The following NWD2 variants were observed in gnomAD, a reference collection of about 807,000 sequenced individuals.
NWD2 encodes the protein NACHT and WD repeat domain-containing protein 2.
A neutral mutation model predicts 132.7 loss-of-function variants in NWD2; 37 were observed. The observed-to-expected ratio is 0.28, with a 90% confidence interval of 0.21 to 0.37. The LOEUF is 0.37. NWD2 is among the 10% of genes least tolerant of loss of function. The pLI, the probability that NWD2 is intolerant of heterozygous loss-of-function variation, is 1.00. For synonymous variants in NWD2, 705 were observed against 803.0 expected (o/e 0.88, Z 2.06); for missense variants, 1,592 against 2,122.4 (o/e 0.75, Z 4.91).
intron 2 of NWD2, among the ~76,000 whole-genome samples, chr4:37,336,957 A>AG (rs1471163594): frequency 2.0e-5 from 3 of 150,796 alleles, no homozygotes; most frequent in Admixed American, 1.3e-4. Context: ...AAAAAGAAAA[A>AG]AAAAAAAAAA....
At chr4:37,410,571 G>C (rs999314988) in intron 3 of NWD2, among the ~76,000 whole-genome samples, 4 of 152,012 alleles carry the variant, frequency 2.6e-5, no homozygotes, top group Non-Finnish European at 4.4e-5. Flanking sequence ...ACAACCCACT[G>C]TCAGTATTAG....
intron 3 of NWD2, among the ~76,000 whole-genome samples, chr4:37,370,186 A>G (rs1720186266): frequency 6.6e-6 from 1 of 152,198 alleles, no homozygotes; most frequent in South Asian, 2.1e-4. Context: ...CTGATTATGG[A>G]AGAAATAATA....
chr4:37,442,560 A>C (rs935537543), intron 6 of NWD2, among the ~76,000 whole-genome samples: 2 of 152,190 alleles, frequency 1.3e-5, no homozygotes, highest in African/African-American at 4.8e-5. Context: ...TACCCTTCAG[A>C]GAGATAATGT....
chr4:37,427,181 T>C (rs1341677311), intron 3 of NWD2, among the ~76,000 whole-genome samples: 1 of 152,134 alleles, frequency 6.6e-6, no homozygotes, highest in Non-Finnish European at 1.5e-5. Flanking sequence ...TCTTGAATTC[T>C]ACCAATGCCT....
chr4:37,322,704 G>T (rs1193085712), intron 1 of NWD2, among the ~76,000 whole-genome samples: 1 of 152,156 alleles, frequency 6.6e-6, no homozygotes, highest in African/African-American at 2.4e-5. Context: ...TATGAAAACA[G>T]GGAGATGGAA....
chr4:37,375,342 T>C (rs910221165), intron 3 of NWD2, among the ~76,000 whole-genome samples: 1 of 152,210 alleles, frequency 6.6e-6, no homozygotes, highest in Non-Finnish European at 1.5e-5. Flanking sequence ...ATTATCACCA[T>C]TAATATTTTA....
intron 3 of NWD2, among the ~76,000 whole-genome samples, chr4:37,424,227 G>C (rs73133776): frequency 0.033 from 4,994 of 152,248 alleles, 206 homozygotes; most frequent in African/African-American, 0.091. Context: ...TGGTAGCCCT[G>C]CCAAGGGTAC....
At chr4:37,358,260 G>A (rs1039328770) in intron 3 of NWD2, among the ~76,000 whole-genome samples, 2 of 152,042 alleles carry the variant, frequency 1.3e-5, no homozygotes, top group African/African-American at 4.8e-5. Flanking sequence ...TTTTAAGCAT[G>A]GCCTTGGCTG....
chr4:37,351,730 G>A (rs114364191), intron 2 of NWD2, among the ~76,000 whole-genome samples: 1 of 151,884 alleles, frequency 6.6e-6, no homozygotes, highest in African/African-American at 2.4e-5. Context: ...TTTAGAATTC[G>A]TTTGCTCTTC....
At chr4:37,324,346 T>C (rs1333803930) in intron 1 of NWD2, among the ~76,000 whole-genome samples, 2 of 152,190 alleles carry the variant, frequency 1.3e-5, no homozygotes, top group African/African-American at 4.8e-5. Flanking sequence ...TTAACCCTTT[T>C]GAATATATTT....
intron 1 of NWD2, 113 bp from the exon 2 acceptor site, chr4:37,325,822 AG>A (rs1719162205): frequency 1.8e-5 from 11 of 625,440 alleles, no homozygotes; most frequent in Non-Finnish European, 3.1e-5. Flanking sequence ...TTCACAATCC[AG>A]CACCTCAACT....
Position 37,293,532 on chromosome 4 carries a change from A to G in NWD2, c.152-32404A>G, listed in dbSNP as rs191993429. Among the ~76,000 whole-genome samples, 29 of 152,358 alleles carry G rather than the reference A, an allele frequency of 1.9e-4. No individual in the cohort carries two copies. In the East Asian group the frequency reaches 5.4e-3, roughly 28 times the overall value. On this transcript the variant is annotated intron_variant, in intron 1 of 6. Coordinates refer to ENST00000309447, the MANE Select transcript of NWD2 (RefSeq NM_001144990.2). The stretch of plus-strand genomic sequence containing the variant: ...AATCCATTGATAAATATCAACTATA[A>G]CATATTAATGTTTGCCACTTTGATA...
chr4:37,348,455 A>T (rs1261084399), intron 2 of NWD2, among the ~76,000 whole-genome samples: 1 of 151,506 alleles, frequency 6.6e-6, no homozygotes, highest in African/African-American at 2.4e-5. Context: ...ATGAGGCCCT[A>T]CCACCCTTGG....
intron 3 of NWD2, among the ~76,000 whole-genome samples, chr4:37,364,717 C>CAT (rs1401478614): frequency 2.0e-5 from 3 of 151,460 alleles, no homozygotes; most frequent in Non-Finnish European, 2.9e-5. Flanking sequence ...CACACACACA[C>CAT]ACACACACTG....
chr4:37,341,929 G>C (rs1316572106), intron 2 of NWD2, among the ~76,000 whole-genome samples: 3 of 152,140 alleles, frequency 2.0e-5, no homozygotes, highest in African/African-American at 7.2e-5. Context: ...AAGAATTTAA[G>C]CAGGGAGATA....
chr4:37,311,276 T>C (rs964666738), intron 1 of NWD2, among the ~76,000 whole-genome samples: 85 of 152,250 alleles, frequency 5.6e-4, no homozygotes, highest in African/African-American at 2.0e-3. Flanking sequence ...CCTATTTCTC[T>C]ACATCCTCTC....
chr4:37,304,185 A>T (rs1718663219), intron 1 of NWD2, among the ~76,000 whole-genome samples: 1 of 152,194 alleles, frequency 6.6e-6, no homozygotes, highest in South Asian at 2.1e-4. Flanking sequence ...TGGCTGGAAA[A>T]GGAAGAAGAG....
At chr4:37,298,079 T>C (rs890895864) in intron 1 of NWD2, among the ~76,000 whole-genome samples, 6 of 152,240 alleles carry the variant, frequency 3.9e-5, no homozygotes, top group African/African-American at 7.2e-5. Context: ...TTTAGACTTA[T>C]GTGTGATTAT....
chr4:37,270,688 CTAA>C (rs1432085331), intron 1 of NWD2, among the ~76,000 whole-genome samples: 1 of 151,780 alleles, frequency 6.6e-6, no homozygotes, highest in Non-Finnish European at 1.5e-5. Flanking sequence ...TATATACATA[CTAA>C]TATTTTCTCA....
Sources: allele counts gnomAD v4.1 joint callset (sites outside exome capture counted in the v4.1 genomes callset), GRCh38; gene constraint gnomAD v4.1.1; transcripts MANE v1.5; gene names NCBI Gene and HGNC (gene_info 2026-07-23, HGNC 2026-07-21).